Variants in SCMH1 observed in about 807,000 individuals in gnomAD.
SCMH1 encodes polycomb protein SCMH1.
A neutral mutation model predicts 70.8 loss-of-function variants in SCMH1; 37 were observed. The ratio of observed to expected loss-of-function variants is 0.52; its 90% CI spans 0.40 to 0.69. The LOEUF (loss-of-function observed/expected upper bound fraction) is 0.69. Among genes scored for constraint, SCMH1 ranks in the 30% least tolerant of loss-of-function variants. The probability of loss-of-function intolerance (pLI) is 0.00; values close to 1 mark genes in which losing one functional copy is unlikely to be tolerated. For synonymous variants in SCMH1, 292 were observed against 307.4 expected (o/e 0.95, Z 0.52); for missense variants, 607 against 827.3 (o/e 0.73, Z 3.27).
chr1:41,099,874 T>A (rs1234616763), intron 8 of SCMH1, among the ~76,000 whole-genome samples: 1 of 152,196 alleles, frequency 6.6e-6, no homozygotes, highest in Non-Finnish European at 1.5e-5. Flanking sequence ...ATGTTAACTT[T>A]CTTTCTTCTT....
At chr1:41,188,992 T>C (rs943407706) in intron 1 of SCMH1, among the ~76,000 whole-genome samples, 1 of 152,140 alleles carries the variant, frequency 6.6e-6, no homozygotes, top group Non-Finnish European at 1.5e-5. Context: ...CATAATACTA[T>C]GCCAATATGC....
intron 10 of SCMH1, among the ~76,000 whole-genome samples, chr1:41,062,740 GAAAAA>G (rs1292039887): frequency 2.0e-5 from 2 of 98,206 alleles, no homozygotes; most frequent in Non-Finnish European, 4.2e-5. Context: ...CTCCATCTCA[GAAAAA>G]AAAAAAAAAA....
intron 4 of SCMH1, among the ~76,000 whole-genome samples, chr1:41,156,641 AT>A (rs1246965174): frequency 1.8e-4 from 27 of 152,160 alleles, no homozygotes; most frequent in African/African-American, 6.5e-4. Flanking sequence ...GCTATGCCAA[AT>A]TGCCCAGGCT....
intron 2 of SCMH1, among the ~76,000 whole-genome samples, chr1:41,170,378 T>C (rs910401630): frequency 2.6e-5 from 4 of 152,190 alleles, no homozygotes; most frequent in Non-Finnish European, 5.9e-5. Flanking sequence ...GCTTCAGTTT[T>C]TCCTACCCAT....
At chr1:41,150,490 G>A (rs937792469) in intron 5 of SCMH1, among the ~76,000 whole-genome samples, 2 of 152,130 alleles carry the variant, frequency 1.3e-5, no homozygotes, top group East Asian at 1.9e-4. Flanking sequence ...GTGACAGAGC[G>A]AGACTCTGTC....
At chr1:41,052,956 C>T (rs1040190988) in intron 10 of SCMH1, among the ~76,000 whole-genome samples, 12 of 143,316 alleles carry the variant, frequency 8.4e-5, no homozygotes, top group Middle Eastern at 3.9e-3. Context: ...CTCTCTCTGT[C>T]GCTCAGGCTG....
At chr1:41,065,236 A>G (rs1654180385) in intron 10 of SCMH1, among the ~76,000 whole-genome samples, 1 of 152,112 alleles carries the variant, frequency 6.6e-6, no homozygotes, top group Admixed American at 6.5e-5. Context: ...TAATCCCAGC[A>G]CTTTGGGAGA....
At chr1:41,207,662 T>G (rs532276630) in intron 1 of SCMH1, among the ~76,000 whole-genome samples, 1 of 152,320 alleles carries the variant, frequency 6.6e-6, no homozygotes, top group Admixed American at 6.5e-5. Context: ...ATCCAGGACT[T>G]GAACTCAGCT....
chr1:41,044,349 C>T (rs978384807), intron 12 of SCMH1, among the ~76,000 whole-genome samples: 7 of 152,040 alleles, frequency 4.6e-5, no homozygotes, highest in Non-Finnish European at 7.4e-5. Context: ...TTGTACAGAT[C>T]GAGCTCTTTG....
At chr1:41,052,931 T>TTC (rs1648765217) in intron 10 of SCMH1, among the ~76,000 whole-genome samples, 1 of 150,710 alleles carries the variant, frequency 6.6e-6, no homozygotes, top group Non-Finnish European at 1.5e-5. Flanking sequence ...TTTTTTTTTT[T>TTC]TCTTGAGACA....
At chr1:41,053,316 T>TAA (rs1229752662) in intron 10 of SCMH1, among the ~76,000 whole-genome samples, 1 of 152,150 alleles carries the variant, frequency 6.6e-6, no homozygotes, top group Non-Finnish European at 1.5e-5. Context: ...TGATGAAATA[T>TAA]AAAAGGCAGA....
intron 10 of SCMH1, among the ~76,000 whole-genome samples, chr1:41,054,826 C>G (rs183190769): frequency 2.6e-5 from 4 of 152,226 alleles, no homozygotes; most frequent in African/African-American, 9.6e-5. Context: ...GTCATCCAGG[C>G]TGGAGTGCAG....
chr1:41,127,252 G>T (rs1239624284), intron 6 of SCMH1, among the ~76,000 whole-genome samples: 1 of 152,020 alleles, frequency 6.6e-6, no homozygotes, highest in Admixed American at 6.6e-5. Context: ...TTATGAATTA[G>T]GGAGAGTTAT....
intron 8 of SCMH1, among the ~76,000 whole-genome samples, chr1:41,105,875 T>TA (rs896992105): frequency 6.7e-6 from 1 of 149,810 alleles, no homozygotes; most frequent in African/African-American, 2.5e-5. Flanking sequence ...GCCCATTTGA[T>TA]AGTTTTTTTT....
chr1:41,194,264 T>G (rs1245665768), intron 1 of SCMH1, among the ~76,000 whole-genome samples: 1 of 152,218 alleles, frequency 6.6e-6, no homozygotes, highest in African/African-American at 2.4e-5. Flanking sequence ...CATATATTCA[T>G]ACACAGCCTA....
At chr1:41,204,649 G>T (rs1033740532) in intron 1 of SCMH1, among the ~76,000 whole-genome samples, 1 of 152,136 alleles carries the variant, frequency 6.6e-6, no homozygotes, top group Non-Finnish European at 1.5e-5. Context: ...TAGCTTAAAT[G>T]TCACCTCCTC....
chr1:41,143,854 T>C (rs1005252034), intron 5 of SCMH1, among the ~76,000 whole-genome samples: 1 of 152,216 alleles, frequency 6.6e-6, no homozygotes, highest in Non-Finnish European at 1.5e-5. Flanking sequence ...ATGTACTTTC[T>C]TTTTTGTCTA....
chr1:41,143,796 C>T (rs1293428559), intron 5 of SCMH1, among the ~76,000 whole-genome samples: 1 of 152,178 alleles, frequency 6.6e-6, no homozygotes, highest in Non-Finnish European at 1.5e-5. Flanking sequence ...TACTTTCTAT[C>T]ACTGTAGATT....
At chr1:41,155,028 G>A (rs561415406) in intron 4 of SCMH1, among the ~76,000 whole-genome samples, 3 of 152,304 alleles carry the variant, frequency 2.0e-5, no homozygotes, top group Admixed American at 6.5e-5. Flanking sequence ...TAGAGACTGG[G>A]AGCTATCTTA....
Sources: gnomAD v4.1 joint callset for allele counts (sites outside exome capture counted in the v4.1 genomes callset) on GRCh38, gnomAD v4.1.1 for gene constraint, MANE v1.5 for transcripts, NCBI Gene and HGNC (gene_info 2026-07-23, HGNC 2026-07-21) for gene names.